The following PIEZO2 variants were observed in gnomAD, a reference collection of about 807,000 sequenced individuals.
The protein encoded by PIEZO2 is piezo-type mechanosensitive ion channel component 2.
Under a neutral mutation model 337.3 loss-of-function variants are expected in PIEZO2, and 172 were observed. The ratio of observed to expected loss-of-function variants is 0.51; its 90% CI spans 0.45 to 0.58. PIEZO2 has a LOEUF of 0.58. PIEZO2 is among the 20% of genes least tolerant of loss of function. The probability of loss-of-function intolerance (pLI) is 0.00; values close to 1 mark genes in which losing one functional copy is unlikely to be tolerated. For synonymous variants in PIEZO2, 1,251 were observed against 1,228.5 expected (o/e 1.02, Z -0.38); for missense variants, 3,028 against 3,391.3 (o/e 0.89, Z 2.66).
chr18:10,893,700 T>A (rs976807623), intron 4 of PIEZO2: 1 of 152,238 alleles, frequency 6.6e-6, no homozygotes, highest in South Asian at 2.1e-4. Flanking sequence ...ACATTTTTAA[T>A]TGAATGGTAT....
intron 2 of PIEZO2, among the ~76,000 whole-genome samples, chr18:11,011,859 A>G (rs1417123062): frequency 6.6e-6 from 1 of 152,194 alleles, no homozygotes; most frequent in African/African-American, 2.4e-5. Context: ...CTCACGCCTC[A>G]AATTCCAGTA....
At chr18:10,691,782 C>CACACACACACACACACACATATATAT in intron 47 of PIEZO2, among the ~76,000 whole-genome samples, 3 of 96,616 alleles carry the variant, frequency 3.1e-5, no homozygotes, top group African/African-American at 4.6e-5. Flanking sequence ...CACACACACA[C>CACACACACACACACACACATATATAT]ATATATATAT....
chr18:10,909,374 T>A (rs950771300), intron 4 of PIEZO2, among the ~76,000 whole-genome samples: 1 of 152,032 alleles, frequency 6.6e-6, no homozygotes, highest in African/African-American at 2.4e-5. Flanking sequence ...TAAAGAAGCT[T>A]AAGGGAAGTG....
intron 2 of PIEZO2, among the ~76,000 whole-genome samples, chr18:11,008,911 G>A (rs542137089): frequency 8.5e-5 from 13 of 152,202 alleles, no homozygotes; most frequent in African/African-American, 3.1e-4. Context: ...TAAATATTTT[G>A]GAGTCCTCCT....
rs547553566 is a variant in PIEZO2, at chr18:10,698,676, G to A, written c.6694+249C>T. ...TTTATTAGGTACAAGGCAGTGTGCC[G>A]GCCATTTTTCACAATTATCTGAAAC... is the stretch of plus-strand genomic sequence containing the variant. On this transcript the variant is annotated intron_variant, in intron 44 of 55. Transcript: ENST00000674853. Among the ~76,000 whole-genome samples the A allele has an allele frequency of 2.6e-5, 4 of 152,218 alleles. No homozygotes were observed. In the South Asian group the frequency reaches 6.2e-4, roughly 24 times the overall value.
chr18:10,741,463 A>G (rs1262568454), intron 32 of PIEZO2, among the ~76,000 whole-genome samples: 1 of 152,236 alleles, frequency 6.6e-6, no homozygotes, highest in African/African-American at 2.4e-5. Flanking sequence ...TTTACTGGCA[A>G]ATAATTTGTT....
intron 27 of PIEZO2, among the ~76,000 whole-genome samples, chr18:10,756,001 G>C (rs201308060): frequency 2.1e-5 from 2 of 93,808 alleles, no homozygotes; most frequent in Non-Finnish European, 2.7e-5. Context: ...TGAGGAGGAG[G>C]GATGGAGAAT....
chr18:10,850,844 ATTATT>A lies in PIEZO2; in HGVS notation c.917+4504_917+4508del, dbSNP rs2041526131. ...ATTACATTTTAAAGTGTTTTTTCTT[ATTATT>A]TTATTTTTCCAAATGACCAAAAAAC... On this transcript the variant is annotated intron_variant, in intron 7 of 55. Transcript: ENST00000674853. The surrounding 1 kb of genome is among the most constrained non-coding windows in gnomAD (Gnocchi z 4.5). Among the ~76,000 whole-genome samples the A allele has an allele frequency of 6.6e-6, 1 of 152,272 alleles. No homozygotes were observed. The highest frequency in any genetic ancestry group is 2.4e-5 in the African/African-American group (1 of 41,582).
intron 10 of PIEZO2, among the ~76,000 whole-genome samples, chr18:10,800,722 T>C (rs993127516): frequency 3.3e-5 from 5 of 152,230 alleles, no homozygotes; most frequent in Non-Finnish European, 7.3e-5. Flanking sequence ...CCTGAAACCA[T>C]GCTTCGCACC....
In PIEZO2 at chr18:10,795,996, A is replaced by G. The variant is rs2039580915; in HGVS notation, c.1528-994T>C. Among the ~76,000 whole-genome samples the G allele has an allele frequency of 6.6e-6, 1 of 152,076 alleles. No homozygotes were observed. Among genetic ancestry groups the G allele is most frequent in the Admixed American group, 6.6e-5 (1 of 15,266 alleles). On this transcript the variant is annotated intron_variant, in intron 12 of 55. Transcript: ENST00000674853. This position sits in a 1 kb window ranked among gnomAD's most constrained non-coding sequence, Gnocchi z 4.4. The stretch of plus-strand genomic sequence containing the variant: ...GATGTTGCAGATGGTGAGTAGAAAC[A>G]CACATAAACTGAGAGCTCACAATTG...
intron 3 of PIEZO2, among the ~76,000 whole-genome samples, chr18:10,930,054 G>A (rs1407356095): frequency 6.6e-6 from 1 of 152,150 alleles, no homozygotes; most frequent in Non-Finnish European, 1.5e-5. Flanking sequence ...CCAAATTCCA[G>A]CCTGACTGGT....
At position 10,899,850 on chromosome 18, in the gene PIEZO2, G is replaced by GT. The variant is rs2144994452; in HGVS notation, c.329+11335dup. On this transcript the variant is annotated intron_variant, in intron 4 of 55. Coordinates refer to ENST00000674853, the MANE Select transcript of PIEZO2 (RefSeq NM_001378183.1). This position sits in a 1 kb window ranked among gnomAD's most constrained non-coding sequence, Gnocchi z 4.6. ...GTCAAGGTAATGACCTGGGAATTCA[G>GT]TTTTTTAGTTCAAGAATGCACTGTT... is the stretch of plus-strand genomic sequence containing the variant. Among the ~76,000 whole-genome samples, 1 of 152,232 alleles carries GT rather than the reference G, an allele frequency of 6.6e-6. No homozygotes were observed.
Position 11,148,740 on chromosome 18 carries a change from C to T in PIEZO2, c.-152G>A. On this transcript the variant is annotated 5_prime_UTR_variant, in exon 1 of 56. Transcript: ENST00000674853. This position sits in a 1 kb window ranked among gnomAD's most constrained non-coding sequence, Gnocchi z 5.2. ...TCGGCGCGGGCCGCGACGCTCTCCG[C>T]CCCGAGGGCACGCTCCCGGGGCTCT... 1 of 748,424 alleles carries T rather than the reference C, an allele frequency of 1.3e-6. No individual in the cohort carries two copies. Among genetic ancestry groups the T allele is most frequent in the Non-Finnish European group, 2.1e-6 (1 of 471,236 alleles). 46.4% of individuals were successfully genotyped at this position (748,424 alleles called of 1,614,324 possible).
intron 2 of PIEZO2, among the ~76,000 whole-genome samples, chr18:11,059,351 A>C (rs2145887256): frequency 6.6e-6 from 1 of 152,334 alleles, no homozygotes; most frequent in Non-Finnish European, 1.5e-5. Flanking sequence ...GCATCAACTA[A>C]CAGGCAAAAT....
chr18:10,989,334 A>T (rs1194867258), intron 2 of PIEZO2, among the ~76,000 whole-genome samples: 2 of 152,116 alleles, frequency 1.3e-5, no homozygotes, highest in Non-Finnish European at 2.9e-5. Context: ...AAAAAATAAT[A>T]CTGGATCCCT....
chr18:10,789,325 T>C lies in PIEZO2; in HGVS notation c.1923A>G (p.Lys641=), dbSNP rs1030939862. The change falls in exon 15 of 56, where the codon AAA becomes AAG. Residue 641 remains lysine (K), a synonymous_variant. Transcript: ENST00000674853. ...CCTTCGCTTCCTCTTCTTCCTCCTC[T>C]TTGGGCTCTCCTTCCACTTGTATAT... The part of the protein sequence containing the change: ...LQDIQVEGEP[K]EEEEEEAKEE... 5.9e-6 allele frequency: 9 copies of C among 1,537,148 alleles called. No individual in the cohort carries two copies. The highest frequency in any genetic ancestry group is 7.8e-6 in the Non-Finnish European group (9 of 1,146,918).
chr18:10,737,312 C>T (rs1219978120), intron 33 of PIEZO2, among the ~76,000 whole-genome samples: 3 of 114,810 alleles, frequency 2.6e-5, no homozygotes, highest in Admixed American at 1.5e-4. Flanking sequence ...AAAACACGCA[C>T]ACACTGCCAT....
Position 10,671,432 on chromosome 18 carries a change from T to G in PIEZO2, c.*95A>C. ...CCTATCAGAAGAGAAACAAACCATT[T>G]CCGTCGAACTAGAAATGCTTAGCTC... On this transcript the variant is annotated 3_prime_UTR_variant, in exon 56 of 56. Transcript: ENST00000674853. 1 of 1,323,966 alleles carries G rather than the reference T, an allele frequency of 7.6e-7. No homozygotes were observed. Among genetic ancestry groups the G allele is most frequent in the Non-Finnish European group, 1.0e-6 (1 of 985,830 alleles). 82.0% of individuals were successfully genotyped at this position (1,323,966 alleles called of 1,614,324 possible).
chr18:10,815,565 A>G lies in PIEZO2; in HGVS notation c.918-8291T>C, dbSNP rs1487756446. On this transcript the variant is annotated intron_variant, in intron 7 of 55. Transcript: ENST00000674853. The surrounding 1 kb of genome is among the most constrained non-coding windows in gnomAD (Gnocchi z 4.1). ...ACAATTGTTTTGGATTGTAAGCTAC[A>G]GGGTCACCAGATTTCTTATGTGATA... Among the ~76,000 whole-genome samples the G allele has an allele frequency of 2.6e-5, 4 of 152,192 alleles. No individual in the cohort carries two copies. Among genetic ancestry groups the G allele is most frequent in the Admixed American group, 6.5e-5 (1 of 15,288 alleles).
Sources: allele counts gnomAD v4.1 joint callset (sites outside exome capture counted in the v4.1 genomes callset), GRCh38; gene constraint gnomAD v4.1.1; non-coding constraint Gnocchi (gnomAD v3.1); transcripts MANE v1.5; gene names NCBI Gene and HGNC (gene_info 2026-07-23, HGNC 2026-07-21).